Variants in POLA1 observed in about 807,000 individuals in gnomAD.
The protein encoded by POLA1 is DNA polymerase alpha 1, catalytic subunit.
POLA1 carries 15 observed loss-of-function variants against 124.0 expected under a neutral mutation model. The ratio of observed to expected loss-of-function variants is 0.12; its 90% CI spans 0.08 to 0.19. The LOEUF is 0.19. Ranked by LOEUF, POLA1 falls within the 10% of genes least tolerant of loss-of-function variation. POLA1 has a pLI of 1.00. For synonymous variants in POLA1, 408 were observed against 389.4 expected (o/e 1.05, Z -0.56); for missense variants, 886 against 1,103.4 (o/e 0.80, Z 2.79).
intron 36 of POLA1, among the ~76,000 whole-genome samples, chrX:24,948,274 CAGTT>C (rs1450980468): frequency 9.0e-6 from 1 of 111,103 alleles, no homozygotes; most frequent in Non-Finnish European, 1.9e-5. Context: ...GTTTTAACCC[CAGTT>C]AAAGTATATG....
intron 16 of POLA1, among the ~76,000 whole-genome samples, chrX:24,733,212 C>T (rs1203219458): frequency 1.8e-5 from 2 of 111,754 alleles, no homozygotes; most frequent in African/African-American, 6.5e-5. Context: ...TGAAGTTTTC[C>T]CCCTTAAGTG....
chrX:24,947,246 C>CTTTTTTTTTTTTTT lies in POLA1; in HGVS notation c.4261+16723_4261+16736dup, dbSNP rs764618354. ...CAGCTGGTTGTTTTCCCTGCAGATTCTTTTTTTTTTTTTTTTTTTTTTTTT... is the reference window on the plus strand; with the variant it reads ...CAGCTGGTTGTTTTCCCTGCAGATTCTTTTTTTTTTTTTTTTTTTTTTTTTTTTTTTTTTTTTTT... On this transcript the variant is annotated intron_variant, in intron 36 of 36. Transcript: ENST00000379068. Among the ~76,000 whole-genome samples, 3 of 21,620 alleles carry CTTTTTTTTTTTTTT rather than the reference C, an allele frequency of 1.4e-4. 1 individual carries two copies. Among genetic ancestry groups the CTTTTTTTTTTTTTT allele is most frequent in the Admixed American group, 9.0e-4 (1 of 1,106 alleles). 18.8% of individuals were successfully genotyped at this position (21,620 alleles called of 115,157 possible).
At chrX:24,788,930 G>T (rs774933174) in intron 26 of POLA1, 10 of 1,203,588 alleles carry the variant, frequency 8.3e-6, no homozygotes, top group South Asian at 1.8e-5. Context: ...ACACAAGTCG[G>T]CAGGCAGTGG....
At chrX:24,863,040 C>G (rs149325105) in intron 34 of POLA1, among the ~76,000 whole-genome samples, 4,206 of 111,784 alleles carry the variant, frequency 0.038, 195 homozygotes, top group African/African-American at 0.13. Context: ...AAAATTTTAG[C>G]TGGTCTAAAA....
intron 32 of POLA1, among the ~76,000 whole-genome samples, chrX:24,840,212 A>G (rs967791828): frequency 8.9e-6 from 1 of 112,721 alleles, no homozygotes; most frequent in Non-Finnish European, 1.9e-5. Context: ...CATATGCAGC[A>G]TGAACATGTC....
At chrX:24,992,754 G>T (rs968129607) in intron 36 of POLA1, among the ~76,000 whole-genome samples, 15 of 112,820 alleles carry the variant, frequency 1.3e-4, no homozygotes, top group African/African-American at 4.8e-4. Context: ...AGTTTCCTTA[G>T]ATGGGAGAAT....
At chrX:24,946,159 G>C (rs1349898606) in intron 36 of POLA1, among the ~76,000 whole-genome samples, 1 of 111,239 alleles carries the variant, frequency 9.0e-6, no homozygotes, top group Non-Finnish European at 1.9e-5. Flanking sequence ...GTGGTACTTA[G>C]GAGCTTCTGT....
chrX:24,903,767 G>C (rs1391029905), intron 35 of POLA1, among the ~76,000 whole-genome samples: 1 of 111,019 alleles, frequency 9.0e-6, no homozygotes, highest in Admixed American at 9.6e-5. Context: ...CAGCATTTTG[G>C]TTCCAGGTAA....
intron 36 of POLA1, among the ~76,000 whole-genome samples, chrX:24,940,835 G>A (rs1397192983): frequency 8.9e-6 from 1 of 111,959 alleles, no homozygotes; most frequent in Admixed American, 9.5e-5. Flanking sequence ...TCCAATAAGT[G>A]TGAATTTTTT....
At position 24,996,042 on chromosome X, in the gene POLA1, T is replaced by C. The variant is rs1012626415; in HGVS notation, c.*92T>C. 2.5e-6 allele frequency: 2 copies of C among 810,079 alleles called. No individual in the cohort carries two copies. The highest frequency in any genetic ancestry group is 3.6e-6 in the Non-Finnish European group (2 of 557,177). 66.8% of individuals were successfully genotyped at this position (810,079 alleles called of 1,213,427 possible). A position where few individuals can be genotyped will look rare whatever the true frequency, so the allele number is the denominator to read the frequency against. ...TGGCCCTAAATGCTCCTCCAGCATC[T>C]GTTTCTCCCTTGGGACTGTGTCTCA... On this transcript the variant is annotated 3_prime_UTR_variant, in exon 37 of 37. Transcript: ENST00000379068.
intron 26 of POLA1, among the ~76,000 whole-genome samples, chrX:24,794,875 A>T (rs752378821): frequency 8.6e-4 from 94 of 109,205 alleles, no homozygotes; most frequent in South Asian, 1.2e-3. Flanking sequence ...TTTTTTTTTT[A>T]AAAGTGTTTA....
chrX:24,824,507 C>T (rs1326522384), intron 31 of POLA1, among the ~76,000 whole-genome samples: 2 of 96,934 alleles, frequency 2.1e-5, no homozygotes, highest in Non-Finnish European at 4.1e-5. Flanking sequence ...GGGGGTCTCA[C>T]TGTGTCACCC....
At chrX:24,702,020 C>T (rs1928470400) in intron 2 of POLA1, among the ~76,000 whole-genome samples, 1 of 109,029 alleles carries the variant, frequency 9.2e-6, no homozygotes, top group Non-Finnish European at 1.9e-5. Flanking sequence ...TCCCAAAGTG[C>T]TGGGATTACA....
chrX:24,762,361 T>G (rs1932811847), intron 26 of POLA1, among the ~76,000 whole-genome samples: 1 of 112,103 alleles, frequency 8.9e-6, no homozygotes, highest in Non-Finnish European at 1.9e-5. Context: ...CAATGAATAA[T>G]TATGTCATTC....
At chrX:24,892,605 TA>T (rs1455248149) in intron 35 of POLA1, among the ~76,000 whole-genome samples, 1 of 111,925 alleles carries the variant, frequency 8.9e-6, no homozygotes, top group East Asian at 2.8e-4. Flanking sequence ...TCACCAAAAA[TA>T]AAGCTTTCTG....
chrX:24,763,152 C>T (rs1932828679), intron 26 of POLA1, among the ~76,000 whole-genome samples: 2 of 111,813 alleles, frequency 1.8e-5, no homozygotes, highest in Non-Finnish European at 3.8e-5. Flanking sequence ...AACTGATTAG[C>T]AGGCTATTAT....
chrX:24,776,332 A>G (rs2045139004), intron 26 of POLA1, among the ~76,000 whole-genome samples: 1 of 111,994 alleles, frequency 8.9e-6, no homozygotes. Flanking sequence ...GTCTTTTTAA[A>G]GGCTCTTTTC....
chrX:24,947,209 T>G (rs1014938278), intron 36 of POLA1, among the ~76,000 whole-genome samples: 1 of 104,828 alleles, frequency 9.5e-6, no homozygotes, highest in Non-Finnish European at 2.0e-5. Context: ...AGAATTTATA[T>G]ACATTTGATA....
chrX:24,979,873 G>C lies in POLA1; in HGVS notation c.4262-15932G>C, dbSNP rs530755229. On this transcript the variant is annotated intron_variant, in intron 36 of 36. Transcript: ENST00000379068. ...GCTGCCTCTGTGTTTAGGTGAAAAG[G>C]CCACTTTAGCAAGTGTAATAAAATG... Among the ~76,000 whole-genome samples the C allele has an allele frequency of 5.4e-5, 6 of 111,947 alleles. No homozygotes were observed. In the South Asian group the frequency reaches 1.1e-3, roughly 21 times the overall value.
Sources: allele counts gnomAD v4.1 joint callset (sites outside exome capture counted in the v4.1 genomes callset), GRCh38; gene constraint gnomAD v4.1.1; transcripts MANE v1.5; gene names NCBI Gene and HGNC (gene_info 2026-07-23, HGNC 2026-07-21).